The following TLE2 variants were observed in gnomAD, a reference collection of about 807,000 sequenced individuals.
TLE2 encodes the protein transducin-like enhancer protein 2.
A neutral mutation model predicts 97.2 loss-of-function variants in TLE2; 74 were observed. That is an observed-to-expected ratio of 0.76 (90% CI 0.63 to 0.92). The LOEUF (loss-of-function observed/expected upper bound fraction) is 0.92. Among genes scored for constraint, TLE2 ranks in the 40% least tolerant of loss-of-function variants. The pLI is 0.00. For missense variants in TLE2, 1,038 were observed against 1,008.7 expected, an observed-to-expected ratio of 1.03 and a Z score of -0.39; for synonymous variants, 499 against 432.1, an observed-to-expected ratio of 1.15 and a Z score of -1.92.
chr19:3,044,323 C>T (rs934392887), intron 1 of TLE2, among the ~76,000 whole-genome samples: 6 of 152,170 alleles, frequency 3.9e-5, no homozygotes, highest in East Asian at 1.9e-4. Context: ...CTTTGCTGCT[C>T]GAACACCATC....
chr19:3,027,024 A>T (rs537617852), intron 4 of TLE2, among the ~76,000 whole-genome samples: 14 of 150,254 alleles, frequency 9.3e-5, no homozygotes, highest in Non-Finnish European at 1.9e-4. Flanking sequence ...GGTCTATCTC[A>T]GAACCTTGAG....
At chr19:3,043,199 G>C (rs2090117134) in intron 1 of TLE2, among the ~76,000 whole-genome samples, 2 of 151,426 alleles carry the variant, frequency 1.3e-5, no homozygotes, top group Non-Finnish European at 2.9e-5. Context: ...CAAGATCACG[G>C]CTCCCTGCGA....
chr19:3,002,692 C>T (rs888814138), intron 17 of TLE2, among the ~76,000 whole-genome samples, 189 bp from the exon 18 acceptor site: 13 of 151,320 alleles, frequency 8.6e-5, no homozygotes, highest in African/African-American at 2.7e-4. Flanking sequence ...TGCACCATCA[C>T]GCTGGATAAT....
At chr19:3,012,971 G>A (rs190271919) in intron 11 of TLE2, among the ~76,000 whole-genome samples, 2 of 152,230 alleles carry the variant, frequency 1.3e-5, no homozygotes, top group African/African-American at 4.8e-5. Context: ...GGTTTTTCCC[G>A]CAGTGGGAGG....
chr19:3,044,921 A>G (rs918817677), intron 1 of TLE2, among the ~76,000 whole-genome samples: 1 of 152,228 alleles, frequency 6.6e-6, no homozygotes, highest in Non-Finnish European at 1.5e-5. Flanking sequence ...CTGTGAAGAT[A>G]AAGAATGCAG....
At chr19:3,039,408 C>T (rs970807481) in intron 1 of TLE2, among the ~76,000 whole-genome samples, 2 of 152,072 alleles carry the variant, frequency 1.3e-5, no homozygotes, top group Admixed American at 1.3e-4. Context: ...GCCACACAGG[C>T]CTTCTCCCTC....
chr19:3,006,693 C>A, intron 14 of TLE2, 24 bp from the exon 15 acceptor site: 2 of 1,566,362 alleles, frequency 1.3e-6, no homozygotes, highest in Non-Finnish European at 1.7e-6. Flanking sequence ...CGGGGCATGA[C>A]CCAGCCCTGG....
chr19:3,021,071 AGAGT>A (rs1281801485), intron 5 of TLE2, among the ~76,000 whole-genome samples: 94 of 131,092 alleles, frequency 7.2e-4, no homozygotes, highest in African/African-American at 2.6e-3. Context: ...CCTGGGAGAC[AGAGT>A]GAGACCCAGT....
intron 9 of TLE2, among the ~76,000 whole-genome samples, chr19:3,015,288 G>A (rs1599220120): frequency 6.6e-6 from 1 of 152,214 alleles, no homozygotes; most frequent in African/African-American, 2.4e-5. Flanking sequence ...CTGGCAATGA[G>A]AGGAGGTCCC....
rs781036759 is a variant in TLE2, at chr19:3,027,833, T to G, written c.227A>C (p.Lys76Thr). The change falls in exon 4 of 20, where the codon AAG becomes ACG. Residue 76 changes from lysine to threonine, a missense_variant. Transcript: ENST00000262953. ...MSYGLNIEMHKQAEIVKRLSG... is the reference protein window; with the variant it reads ...MSYGLNIEMHTQAEIVKRLSG... ...GCGTAACCCCAACCCAGTTACCTGCTTATGCATTTCAATGTTGAGCCCGTA... is the reference window on the plus strand; with the variant it reads ...GCGTAACCCCAACCCAGTTACCTGCGTATGCATTTCAATGTTGAGCCCGTA... The G allele has an allele frequency of 3.7e-6, 6 of 1,611,460 alleles. No homozygotes were observed. The Admixed American group carries it at 6.7e-5, about 18-fold the overall frequency.
intron 1 of TLE2, among the ~76,000 whole-genome samples, chr19:3,036,110 C>G (rs907337278): frequency 6.6e-6 from 1 of 152,088 alleles, no homozygotes; most frequent in South Asian, 2.1e-4. Flanking sequence ...CTTACCCGAG[C>G]CTGGGGGCTC....
chr19:3,025,754 CTG>C (rs2089932678), intron 4 of TLE2: 1 of 284,114 alleles, frequency 3.5e-6, no homozygotes, highest in Non-Finnish European at 5.3e-6. Context: ...CTGGCGAAGT[CTG>C]TGTCTCCTAT....
chr19:3,013,573 A>G (rs1340240791), intron 11 of TLE2, 96 bp downstream of exon 11: 8 of 1,188,692 alleles, frequency 6.7e-6, no homozygotes, highest in Non-Finnish European at 8.6e-6. Context: ...CGGCTGGCTG[A>G]TTTCTCATCA....
intron 4 of TLE2, 114 bp from the exon 5 acceptor site, chr19:3,025,196 C>T (rs1006517232): frequency 1.7e-6 from 2 of 1,171,702 alleles, no homozygotes; most frequent in African/African-American, 1.6e-5. Context: ...AGGTGACGCC[C>T]GCAGGTGCAC....
intron 14 of TLE2, among the ~76,000 whole-genome samples, chr19:3,008,455 CTTT>C (rs34168841): frequency 1.4e-5 from 2 of 143,428 alleles, no homozygotes; most frequent in Admixed American, 1.4e-4. Context: ...TTTCTTTTTT[CTTT>C]TTTTTTTTTT....
At position 2,997,865 on chromosome 19, in the gene TLE2, A is replaced by C. The variant is rs1326471216; in HGVS notation, c.2215T>G (p.Tyr739Asp). 1.2e-6 allele frequency: 2 copies of C among 1,609,778 alleles called. No homozygotes were observed. Among genetic ancestry groups the C allele is most frequent in the African/African-American group, 2.7e-5 (2 of 74,806 alleles). The change falls in exon 20 of 20, where the codon TAT (tyrosine) becomes GAT (aspartate). Residue 739 changes from tyrosine (Y) to aspartate (D), a missense_variant. Tyr to Asp is a radical substitution (Grantham distance 160). Coordinates refer to ENST00000262953, the MANE Select transcript of TLE2 (RefSeq NM_003260.5). Reference protein sequence around the residue: ...TGSGDKKATVYEVVY With the variant: ...TGSGDKKATVDEVVY ...GTCATGTCTCAGTAGACCACCTCAT[A>C]CACGGTGGCCTTCTTGTCCCCCGAG... is the stretch of plus-strand genomic sequence containing the variant.
chr19:3,002,821 C>G (rs770037482), intron 17 of TLE2, among the ~76,000 whole-genome samples: 3 of 152,142 alleles, frequency 2.0e-5, no homozygotes, highest in Non-Finnish European at 4.4e-5. Flanking sequence ...GCCTCAGCCT[C>G]CAAAGTAGCT....
chr19:3,011,095 G>A lies in TLE2; in HGVS notation c.939C>T (p.Ser313=), dbSNP rs1417277835. ...SCDSSPPQDA[S]TPGPSSASHL... ...GACTGGCCGAGCTGGGCCCGGGGGT[G>A]GAAGCGTCCTGGGGCGGGGAGGAGT... Residue 313 remains serine, a synonymous_variant, in exon 12 of 20, where the codon TCC becomes TCT. Coordinates refer to ENST00000262953, the MANE Select transcript of TLE2 (RefSeq NM_003260.5). 1.2e-6 allele frequency: 2 copies of A among 1,611,068 alleles called. No individual in the cohort carries two copies. The highest frequency in any genetic ancestry group is 1.7e-6 in the Non-Finnish European group (2 of 1,179,308).
In TLE2 at chr19:3,019,542, G is replaced by A. The variant is rs2145180533; in HGVS notation, c.370-79C>T. 6.7e-7 allele frequency: 1 copy of A among 1,484,582 alleles called. No homozygotes were observed. The highest frequency in any genetic ancestry group is 9.0e-7 in the Non-Finnish European group (1 of 1,116,532). The allele number at this position is 1,484,582 out of a possible 1,614,324, so 92.0% of individuals were successfully genotyped here. ...GTCCCCAGCCCAAGAGGTAGACACA[G>A]GGGATGGGACCTAAGCACAGCATGT... On this transcript the variant is annotated intron_variant, in intron 6 of 19. Coordinates refer to ENST00000262953, the MANE Select transcript of TLE2 (RefSeq NM_003260.5). This position sits in a 1 kb window ranked among gnomAD's most constrained non-coding sequence, Gnocchi z 5.1.
Sources: allele counts gnomAD v4.1 joint callset (sites outside exome capture counted in the v4.1 genomes callset), GRCh38; gene constraint gnomAD v4.1.1; non-coding constraint Gnocchi (gnomAD v3.1); transcripts MANE v1.5; gene names NCBI Gene and HGNC (gene_info 2026-07-23, HGNC 2026-07-21).